AVIL: variants seen among roughly 807,000 people sequenced by gnomAD.
The protein encoded by AVIL is advillin.
Under a neutral mutation model 109.9 loss-of-function variants are expected in AVIL, and 78 were observed. The observed-to-expected ratio is 0.71, with a 90% CI of 0.59 to 0.86. The LOEUF (loss-of-function observed/expected upper bound fraction) is 0.86, where lower values mean the gene tolerates loss of function less well. Ranked by LOEUF, AVIL falls within the 40% of genes least tolerant of loss-of-function variation. AVIL has a pLI of 0.00. For synonymous variants in AVIL, 367 were observed against 379.1 expected, an observed-to-expected ratio of 0.97 and a Z score of 0.37; for missense variants, 892 against 1,016.5, an observed-to-expected ratio of 0.88 and a Z score of 1.67.
chr12:57,801,711 G>A (rs1345250272), intron 17 of AVIL, among the ~76,000 whole-genome samples: 1 of 151,986 alleles, frequency 6.6e-6, no homozygotes, highest in South Asian at 2.1e-4. Flanking sequence ...TTACACTCCA[G>A]CCTGGACAAC....
In AVIL at chr12:57,803,635, T is replaced by G; in HGVS notation, c.1706A>C (p.Glu569Ala). ...SSGDERAMAK[E>A]LASLLCDGSE... ...GCCATCACAGAGAAGGCTGGCCAGCTCCTTAGCCATTGCCCGCTCATCCCC... is the reference window on the plus strand; with the variant it reads ...GCCATCACAGAGAAGGCTGGCCAGCGCCTTAGCCATTGCCCGCTCATCCCC... The change falls in exon 15 of 20, where the codon GAG becomes GCG. Residue 569 changes from glutamate to alanine, a missense_variant. By Grantham distance (107) the Glu-to-Ala change is moderately radical. Coordinates refer to ENST00000549994, the MANE Select transcript of AVIL (RefSeq NM_006576.4). 6.2e-7 allele frequency: 1 copy of G among 1,614,110 alleles called. No individual in the cohort carries two copies. Among genetic ancestry groups the G allele is most frequent in the Non-Finnish European group, 8.5e-7 (1 of 1,180,008 alleles).
intron 9 of AVIL, 98 bp from the exon 10 acceptor site, chr12:57,808,646 G>A: frequency 7.2e-7 from 1 of 1,389,042 alleles, no homozygotes; most frequent in Non-Finnish European, 9.7e-7. Context: ...CATGATATAA[G>A]CGTCTCCCCT....
chr12:57,815,250 C>T (rs185789442), intron 2 of AVIL, among the ~76,000 whole-genome samples: 2 of 152,378 alleles, frequency 1.3e-5, no homozygotes, highest in Admixed American at 6.5e-5. Flanking sequence ...CCGCACCCCG[C>T]CAGTACCTGT....
intron 19 of AVIL, among the ~76,000 whole-genome samples, chr12:57,799,458 T>C (rs1469412146): frequency 2.6e-5 from 4 of 152,188 alleles, no homozygotes; most frequent in Non-Finnish European, 5.9e-5. Flanking sequence ...GGCCGTGCCA[T>C]ATATTTTAAA....
In AVIL at chr12:57,810,834, G is replaced by C; in HGVS notation, c.540C>G (p.Asn180Lys). 6.2e-7 allele frequency: 1 copy of C among 1,614,194 alleles called. No homozygotes were observed. Residue 180 changes from asparagine to lysine, a missense_variant, in exon 6 of 20, where the codon AAC (asparagine) becomes AAG (lysine). Asn to Lys is a moderately conservative substitution (Grantham distance 94). Coordinates refer to ENST00000549994, the MANE Select transcript of AVIL (RefSeq NM_006576.4). ...VIIQWNGPES[N>K]SGERLKAMLL... The stretch of plus-strand genomic sequence containing the variant: ...GCCATACCTTCAGGCGCTCCCCACT[G>C]TTGCTCTCTGGGCCATTCCATTGGA...
Position 57,806,487 on chromosome 12 carries a change from A to T in AVIL, c.1544T>A (p.Phe515Tyr), listed in dbSNP as rs1565833205. 4 of 1,614,170 alleles carry T rather than the reference A, an allele frequency of 2.5e-6. No individual in the cohort carries two copies. The highest frequency in any genetic ancestry group is 2.5e-6 in the Non-Finnish European group (3 of 1,180,020). The change falls in exon 14 of 20, where the codon TTC (phenylalanine) becomes TAC (tyrosine). Residue 515 changes from phenylalanine (F) to tyrosine (Y), a missense_variant. Transcript: ENST00000549994. The part of the protein sequence containing the change: ...NAEPDPPVRL[F>Y]QIHGNDKSNT... ...AGATTTGTCATTTCCATGAATTTGG[A>T]AGAGTCTTACTGGAGGGTCAGGCTC...
chr12:57,805,694 C>T (rs1026692501), intron 14 of AVIL, among the ~76,000 whole-genome samples: 2 of 151,850 alleles, frequency 1.3e-5, no homozygotes, highest in African/African-American at 4.8e-5. Context: ...CTGCCACACC[C>T]GGCTAATTTT....
rs1595166332 is a variant in AVIL at position 57,806,705 on chromosome 12, C to T, written c.1492-166G>A. 3 of 665,742 alleles carry T rather than the reference C, an allele frequency of 4.5e-6. No homozygotes were observed. In the East Asian group the frequency reaches 8.2e-5, roughly 18 times the overall value. 41.2% of individuals were successfully genotyped at this position (665,742 alleles called of 1,614,324 possible). ...TAAGCTGGAGTTATGTCACCGATAA[C>T]AACAACTTTCATCCTGAGAACTTTA... On this transcript the variant is annotated intron_variant, in intron 13 of 19. Coordinates refer to ENST00000549994, the MANE Select transcript of AVIL (RefSeq NM_006576.4).
rs1272432473 is a variant in AVIL, at chr12:57,808,744, G to C, written c.940-196C>G. On this transcript the variant is annotated intron_variant, in intron 9 of 19. Coordinates refer to ENST00000549994, the MANE Select transcript of AVIL (RefSeq NM_006576.4). ...AAAAATGACTGAGTGGAACATTTTT[G>C]GATCTGTTTATTGGCTTGCGGTGAT... 2.2e-5 allele frequency: 14 copies of C among 624,580 alleles called. No homozygotes were observed. The South Asian group carries it at 2.5e-4, about 11-fold the overall frequency. The allele number at this position is 624,580 out of a possible 1,614,324, so 38.7% of individuals were successfully genotyped here.
intron 3 of AVIL, 44 bp downstream of exon 3, chr12:57,814,108 G>GC: frequency 6.3e-7 from 1 of 1,598,946 alleles, no homozygotes; most frequent in South Asian, 1.1e-5. Context: ...CCAAGAACTG[G>GC]CCCCAGGGGA....
intron 3 of AVIL, 118 bp from the exon 4 acceptor site, chr12:57,813,541 C>T (rs1038226821): frequency 2.0e-6 from 2 of 1,006,026 alleles, no homozygotes; most frequent in East Asian, 2.5e-5. Context: ...AGGGCCCTCT[C>T]TCCTGCAGTG....
chr12:57,816,783 C>T (rs2140463668), intron 1 of AVIL, among the ~76,000 whole-genome samples: 1 of 148,230 alleles, frequency 6.7e-6, no homozygotes, highest in South Asian at 2.1e-4. Context: ...TACTATATTC[C>T]CTGTGCTTTC....
chr12:57,803,712 G>A, intron 14 of AVIL, 43 bp from the exon 15 acceptor site: 4 of 1,597,866 alleles, frequency 2.5e-6, no homozygotes, highest in Non-Finnish European at 3.4e-6. Context: ...GTTGCACAGG[G>A]GCACTTCGAT....
At chr12:57,802,643 A>T in intron 16 of AVIL, 1 of 669,482 alleles carries the variant, frequency 1.5e-6, no homozygotes, top group South Asian at 1.6e-5. Context: ...TGCTCTAAGC[A>T]CCTTAAAAAT....
chr12:57,806,215 C>G (rs1955942838), intron 14 of AVIL, 145 bp downstream of exon 14: 2 of 652,488 alleles, frequency 3.1e-6, no homozygotes, highest in African/African-American at 3.9e-5. Context: ...TGCTAATCTT[C>G]TCTGTATCAT....
intron 18 of AVIL, 143 bp from the exon 19 acceptor site, chr12:57,800,063 C>T (rs1955816628): frequency 8.9e-7 from 1 of 1,122,954 alleles, no homozygotes; most frequent in South Asian, 1.6e-5. Context: ...GCTCCCCAAA[C>T]CTGGCTGCAT....
At chr12:57,814,500 A>C in intron 2 of AVIL, 1 of 405,170 alleles carries the variant, frequency 2.5e-6, no homozygotes. Context: ...ACCCGATCTC[A>C]TCTCGCACTA....
chr12:57,800,436 C>T (rs1363991129), intron 18 of AVIL: 4 of 153,774 alleles, frequency 2.6e-5, no homozygotes, highest in Non-Finnish European at 5.8e-5. Flanking sequence ...CTAGAGGCTC[C>T]ACTTCTTTTA....
intron 16 of AVIL, among the ~76,000 whole-genome samples, 165 bp downstream of exon 16, chr12:57,803,082 G>A (rs989280595): frequency 6.6e-6 from 1 of 151,860 alleles, no homozygotes; most frequent in Admixed American, 6.6e-5. Flanking sequence ...ATCACCCCTG[G>A]AAAAAAAACC....
Sources: gnomAD v4.1 joint callset for allele counts (sites outside exome capture counted in the v4.1 genomes callset) on GRCh38, gnomAD v4.1.1 for gene constraint, MANE v1.5 for transcripts, NCBI Gene and HGNC (gene_info 2026-07-23, HGNC 2026-07-21) for gene names.